Variants in CAMK2B observed in about 807,000 individuals in gnomAD.
The protein encoded by CAMK2B is calcium/calmodulin-dependent protein kinase type II subunit beta.
In CAMK2B, 27 loss-of-function variants were observed where a neutral mutation model predicts 93.7. That is an observed-to-expected ratio of 0.29 (90% CI 0.21 to 0.40). CAMK2B has a LOEUF of 0.40. CAMK2B is among the 10% of genes least tolerant of loss of function. CAMK2B has a pLI of 1.00. For synonymous variants in CAMK2B, 374 were observed against 358.8 expected, an observed-to-expected ratio of 1.04 and a Z score of -0.48; for missense variants, 568 against 895.8, an observed-to-expected ratio of 0.63 and a Z score of 4.67.
At chr7:44,252,741 C>T (rs2096791954) in intron 5 of CAMK2B, among the ~76,000 whole-genome samples, 1 of 152,198 alleles carries the variant, frequency 6.6e-6, no homozygotes, top group Non-Finnish European at 1.5e-5. Context: ...ACCCTCGAGT[C>T]CACCTGGCCA....
At chr7:44,302,197 C>A (rs1199877387) in intron 1 of CAMK2B, among the ~76,000 whole-genome samples, 2 of 152,074 alleles carry the variant, frequency 1.3e-5, no homozygotes, top group African/African-American at 4.8e-5. Flanking sequence ...AAAACTCACA[C>A]AATGAAATAT....
In CAMK2B at chr7:44,239,681, G is replaced by A; in HGVS notation, c.947-18C>T. Reference sequence around the variant, plus strand: ...TCTGCCCACTGTTAGCACCGGGTTAGAGACGAGGGGAAGGGAGGGGTGGGC... The same window carrying A: ...TCTGCCCACTGTTAGCACCGGGTTAAAGACGAGGGGAAGGGAGGGGTGGGC... On this transcript the variant is annotated intron_variant, in intron 12 of 23. Coordinates refer to ENST00000395749, the MANE Select transcript of CAMK2B (RefSeq NM_001220.5). The A allele has an allele frequency of 6.5e-7, 1 of 1,528,892 alleles. No homozygotes were observed. 94.7% of individuals were successfully genotyped at this position (1,528,892 alleles called of 1,614,324 possible).
At chr7:44,221,645 C>T (rs1394380448) in intron 20 of CAMK2B, among the ~76,000 whole-genome samples, 1 of 152,232 alleles carries the variant, frequency 6.6e-6, no homozygotes, top group East Asian at 1.9e-4. Context: ...CCACATGCTA[C>T]CCCTGCAGAC....
chr7:44,320,561 C>A (rs923459334), intron 1 of CAMK2B, among the ~76,000 whole-genome samples: 1 of 152,146 alleles, frequency 6.6e-6, no homozygotes, highest in East Asian at 1.9e-4. Flanking sequence ...ACCATTTAAG[C>A]GCTAGCAACT....
chr7:44,288,913 G>A (rs1785919740), intron 1 of CAMK2B, among the ~76,000 whole-genome samples: 1 of 152,120 alleles, frequency 6.6e-6, no homozygotes, highest in Non-Finnish European at 1.5e-5. Context: ...TCCCCTGACT[G>A]CAGCCACCCA....
chr7:44,247,997 C>A (rs888039848), intron 5 of CAMK2B, among the ~76,000 whole-genome samples: 22 of 152,160 alleles, frequency 1.4e-4, no homozygotes, highest in African/African-American at 5.3e-4. Context: ...CCACTGCACT[C>A]CAGCCTGGGT....
intron 3 of CAMK2B, among the ~76,000 whole-genome samples, chr7:44,262,261 G>A (rs1024553192): frequency 3.3e-5 from 5 of 152,236 alleles, no homozygotes; most frequent in Admixed American, 6.5e-5. Flanking sequence ...TTGGAGGAAA[G>A]GGCCCCAAAT....
intron 1 of CAMK2B, among the ~76,000 whole-genome samples, chr7:44,309,501 G>T (rs947788838): frequency 6.6e-6 from 1 of 152,192 alleles, no homozygotes; most frequent in African/African-American, 2.4e-5. Flanking sequence ...GACCACATCA[G>T]GTCCCCAGCT....
Position 44,233,497 on chromosome 7 carries a change from G to C in CAMK2B, c.1132-631C>G, listed in dbSNP as rs183988800. Among the ~76,000 whole-genome samples the C allele has an allele frequency of 3.1e-4, 47 of 152,278 alleles. No homozygotes were observed. The East Asian group carries it at 8.9e-3, about 29-fold the overall frequency. On this transcript the variant is annotated intron_variant, in intron 15 of 23. Transcript: ENST00000395749. ...CCAGTATTCCCGTGGGCGGTCTGGG[G>C]CTGGCTCCCGAAGCCTGGCCTGGGG... is the stretch of plus-strand genomic sequence containing the variant.
At chr7:44,296,292 G>A (rs995961293) in intron 1 of CAMK2B, among the ~76,000 whole-genome samples, 1 of 151,012 alleles carries the variant, frequency 6.6e-6, no homozygotes, top group Admixed American at 6.6e-5. Flanking sequence ...CAAAAATGCT[G>A]TAACAGAAAT....
chr7:44,324,863 C>A (rs1323378844), intron 1 of CAMK2B, among the ~76,000 whole-genome samples: 2 of 152,130 alleles, frequency 1.3e-5, no homozygotes, highest in Non-Finnish European at 2.9e-5. Context: ...GATGGGGCCA[C>A]GCGCAGGAGC....
rs774325033 is a variant in CAMK2B at position 44,312,824 on chromosome 7, G to A, written c.65+12533C>T. On this transcript the variant is annotated intron_variant, in intron 1 of 23. Coordinates refer to ENST00000395749, the MANE Select transcript of CAMK2B (RefSeq NM_001220.5). This position sits in a 1 kb window ranked among gnomAD's most constrained non-coding sequence, Gnocchi z 4.1. ...TAAGAATAAAATGAACCTGGCCTCA[G>A]GCATGCAGAGGAGTTGTGAAAAGCA... Among the ~76,000 whole-genome samples, 2 of 152,150 alleles carry A rather than the reference G, an allele frequency of 1.3e-5. No homozygotes were observed. The highest frequency in any genetic ancestry group is 2.9e-5 in the Non-Finnish European group (2 of 68,016).
At position 44,289,800 on chromosome 7, in the gene CAMK2B, G is replaced by A. The variant is rs549710317; in HGVS notation, c.66-5575C>T. Among the ~76,000 whole-genome samples, 3 of 152,340 alleles carry A rather than the reference G, an allele frequency of 2.0e-5. No homozygotes were observed. The East Asian group carries it at 5.8e-4, about 29-fold the overall frequency. On this transcript the variant is annotated intron_variant, in intron 1 of 23. Coordinates refer to ENST00000395749, the MANE Select transcript of CAMK2B (RefSeq NM_001220.5). ...CCCCATGACAGGCTGCTGAGCTCCC[G>A]CAGGGCAGCGCTGGGCCACGCAGGA...
chr7:44,224,819 G>A lies in CAMK2B; in HGVS notation c.1597+1697C>T, dbSNP rs1027491901. Among the ~76,000 whole-genome samples the A allele has an allele frequency of 3.9e-5, 6 of 152,110 alleles. No individual in the cohort carries two copies. The South Asian group carries it at 8.3e-4, about 21-fold the overall frequency. Reference sequence around the variant, plus strand: ...GGGCACCTGCCCTATTTACACAGCTGGTGGGTGCCTTCTGGAGAAAGGAGG... The same window carrying A: ...GGGCACCTGCCCTATTTACACAGCTAGTGGGTGCCTTCTGGAGAAAGGAGG... On this transcript the variant is annotated intron_variant, in intron 20 of 23. Transcript: ENST00000395749. The surrounding 1 kb of genome is among the most constrained non-coding windows in gnomAD (Gnocchi z 4.4).
chr7:44,307,814 C>T (rs903380728), intron 1 of CAMK2B, among the ~76,000 whole-genome samples: 4 of 152,128 alleles, frequency 2.6e-5, no homozygotes, highest in Non-Finnish European at 5.9e-5. Flanking sequence ...TGAAAGCTTT[C>T]ATTTATTTTT....
Position 44,295,919 on chromosome 7 carries a change from C to G in CAMK2B, c.66-11694G>C, listed in dbSNP as rs560822938. 3.9e-5 allele frequency among the ~76,000 whole-genome samples: 6 copies of G among 152,246 alleles called. No individual in the cohort carries two copies. In the South Asian group the frequency reaches 1.2e-3, roughly 32 times the overall value. On this transcript the variant is annotated intron_variant, in intron 1 of 23. Coordinates refer to ENST00000395749, the MANE Select transcript of CAMK2B (RefSeq NM_001220.5). ...ACTTGTGAAGGTCACAGCACAGGGG[C>G]AGGCACAGGCTCGCTAAAATACTGA...
At chr7:44,258,430 T>C (rs1056936211) in intron 4 of CAMK2B, among the ~76,000 whole-genome samples, 1 of 152,174 alleles carries the variant, frequency 6.6e-6, no homozygotes, top group Non-Finnish European at 1.5e-5. Context: ...CACACATACA[T>C]ACAGGTGCAC....
rs2096747666 is a variant in CAMK2B, at chr7:44,248,005, G to A, written c.342-813C>T. On this transcript the variant is annotated intron_variant, in intron 5 of 23. Transcript: ENST00000395749. The surrounding 1 kb of genome is among the most constrained non-coding windows in gnomAD (Gnocchi z 4.1). ...GATGGCACCACTGCACTCCAGCCTG[G>A]GTGACAGAGGGAGAGTCCATCTCAA... Among the ~76,000 whole-genome samples, 1 of 152,224 alleles carries A rather than the reference G, an allele frequency of 6.6e-6. No homozygotes were observed. The highest frequency in any genetic ancestry group is 2.4e-5 in the African/African-American group (1 of 41,458).
chr7:44,258,735 CCAG>C lies in CAMK2B; in HGVS notation c.275+134_275+136del, dbSNP rs2096855071. The C allele has an allele frequency of 9.8e-5, 73 of 743,682 alleles. 1 individual carries two copies. In the South Asian group the frequency reaches 1.1e-3, roughly 12 times the overall value. The allele number at this position is 743,682 out of a possible 1,614,324, so 46.1% of individuals were successfully genotyped here. Reference sequence around the variant, plus strand: ...CTGGGCACAGCTTGGAGCAAGGGGACCAGCAGCAGAAGCACACTCAAGGGAGTG... The same window carrying C: ...CTGGGCACAGCTTGGAGCAAGGGGACCAGCAGAAGCACACTCAAGGGAGTG... On this transcript the variant is annotated intron_variant, in intron 4 of 23. Transcript: ENST00000395749.
Sources: gnomAD v4.1 joint callset for allele counts (sites outside exome capture counted in the v4.1 genomes callset) on GRCh38, gnomAD v4.1.1 for gene constraint, Gnocchi (gnomAD v3.1) non-coding constraint, MANE v1.5 for transcripts, NCBI Gene and HGNC (gene_info 2026-07-23, HGNC 2026-07-21) for gene names.